THSD7B: variants seen among roughly 807,000 people sequenced by gnomAD.
THSD7B encodes thrombospondin type 1 domain containing 7B.
THSD7B carries 138 observed loss-of-function variants against 213.6 expected under a neutral mutation model. The ratio of observed to expected loss-of-function variants is 0.65; its 90% CI spans 0.56 to 0.74. THSD7B has a LOEUF of 0.74. THSD7B is among the 30% of genes least tolerant of loss of function. The pLI is 0.00. For synonymous variants in THSD7B, 742 were observed against 687.0 expected (o/e 1.08, Z -1.25); for missense variants, 1,931 against 1,991.5 (o/e 0.97, Z 0.58).
chr2:137,292,400 C>T (rs1364031932), intron 12 of THSD7B, among the ~76,000 whole-genome samples: 2 of 152,126 alleles, frequency 1.3e-5, no homozygotes, highest in Non-Finnish European at 2.9e-5. Flanking sequence ...TGCAAACTCA[C>T]AGTTCAATTC....
At position 137,056,495 on chromosome 2, in the gene THSD7B, A is replaced by C. The variant is rs1325748338; in HGVS notation, c.215A>C (p.Asp72Ala). The change falls in exon 3 of 28, where the codon GAC becomes GCC. Residue 72 changes from aspartate to alanine, a missense_variant. By Grantham distance (126) the Asp-to-Ala change is moderately radical. Coordinates refer to ENST00000409968, the MANE Select transcript of THSD7B (RefSeq NM_001316349.2). ...QSRAVWCFHV[D>A]GWTSHLSNCG... The stretch of plus-strand genomic sequence containing the variant: ...CGGGCAGTGTGGTGTTTTCATGTTG[A>C]CGGGTGGACAAGTCACCTGTCTAAC... 10 of 1,613,910 alleles carry C rather than the reference A, an allele frequency of 6.2e-6. No individual in the cohort carries two copies. Among genetic ancestry groups the C allele is most frequent in the Non-Finnish European group, 8.5e-6 (10 of 1,179,864 alleles).
At chr2:137,622,551 G>T (rs1159752587) in intron 20 of THSD7B, among the ~76,000 whole-genome samples, 1 of 151,954 alleles carries the variant, frequency 6.6e-6, no homozygotes, top group African/African-American at 2.4e-5. Flanking sequence ...CTTGTTTTTT[G>T]AAAAGATCAA....
At chr2:137,130,001 T>G (rs1448945926) in intron 5 of THSD7B, among the ~76,000 whole-genome samples, 1 of 152,176 alleles carries the variant, frequency 6.6e-6, no homozygotes, top group East Asian at 1.9e-4. Context: ...TAAGAATATG[T>G]CTGACAGTTT....
intron 2 of THSD7B, among the ~76,000 whole-genome samples, chr2:136,917,484 G>A (rs932219177): frequency 2.6e-5 from 4 of 152,162 alleles, no homozygotes; most frequent in Admixed American, 6.5e-5. Context: ...TCAGCTGGGG[G>A]TGGGGTGGAA....
At chr2:137,631,654 G>T (rs554389914) in intron 20 of THSD7B, among the ~76,000 whole-genome samples, 1 of 152,276 alleles carries the variant, frequency 6.6e-6, no homozygotes, top group Non-Finnish European at 1.5e-5. Flanking sequence ...TTTGATCAAT[G>T]CATGGTATTC....
chr2:137,522,731 G>A (rs771951433), intron 15 of THSD7B, among the ~76,000 whole-genome samples: 34 of 152,202 alleles, frequency 2.2e-4, no homozygotes, highest in Middle Eastern at 6.8e-3. Context: ...ACTTAAATGA[G>A]AACAAAGCAG....
intron 1 of THSD7B, among the ~76,000 whole-genome samples, chr2:136,804,981 T>C (rs755107790): frequency 6.6e-6 from 1 of 152,130 alleles, no homozygotes; most frequent in Non-Finnish European, 1.5e-5. Flanking sequence ...TCTGGGGTGA[T>C]GGCGAAACAA....
chr2:137,583,225 A>G (rs1681624431), intron 17 of THSD7B, among the ~76,000 whole-genome samples: 1 of 151,916 alleles, frequency 6.6e-6, no homozygotes. Context: ...TTCTTTGTAG[A>G]TTTTGAATAT....
intron 1 of THSD7B, among the ~76,000 whole-genome samples, chr2:136,781,018 A>C (rs1298193014): frequency 1.3e-5 from 2 of 151,406 alleles, no homozygotes; most frequent in African/African-American, 4.9e-5. Context: ...TGCTTCATGC[A>C]ATGTGTGAAA....
rs754554059 is a variant in THSD7B at position 137,350,365 on chromosome 2, A to T, written c.2501-55248A>T. Among the ~76,000 whole-genome samples the T allele has an allele frequency of 5.9e-5, 9 of 151,832 alleles. No homozygotes were observed. The South Asian group carries it at 1.0e-3, about 17-fold the overall frequency. On this transcript the variant is annotated intron_variant, in intron 12 of 27. Transcript: ENST00000409968. ...AGAAAGAGTATTTCCAGTAAAAGTAATGCTATGTGTAAATCCGTGTGTAAG... is the reference window on the plus strand; with the variant it reads ...AGAAAGAGTATTTCCAGTAAAAGTATTGCTATGTGTAAATCCGTGTGTAAG...
chr2:136,773,954 G>T (rs1459669104), intron 1 of THSD7B, among the ~76,000 whole-genome samples: 1 of 150,678 alleles, frequency 6.6e-6, no homozygotes, highest in East Asian at 1.9e-4. Context: ...AAACCCATCA[G>T]ATAGGAAGAT....
chr2:137,587,129 G>A lies in THSD7B; in HGVS notation c.3423+14573G>A, dbSNP rs971026000. Among the ~76,000 whole-genome samples, 11 of 152,022 alleles carry A rather than the reference G, an allele frequency of 7.2e-5. No individual in the cohort carries two copies. In the East Asian group the frequency reaches 7.7e-4, roughly 11 times the overall value. On this transcript the variant is annotated intron_variant, in intron 17 of 27. Coordinates refer to ENST00000409968, the MANE Select transcript of THSD7B (RefSeq NM_001316349.2). ...ACCCTTTCTTCCAGTTGATCGAATC[G>A]GCTACTGAAGCTTGTGCATTTGTCA...
intron 7 of THSD7B, among the ~76,000 whole-genome samples, chr2:137,216,357 T>C (rs1432478218): frequency 7.0e-6 from 1 of 143,600 alleles, no homozygotes; most frequent in Non-Finnish European, 1.5e-5. Flanking sequence ...AATATTGCAT[T>C]CTCTAACTCT....
intron 2 of THSD7B, among the ~76,000 whole-genome samples, chr2:136,971,479 A>G (rs937764158): frequency 2.8e-4 from 43 of 152,160 alleles, no homozygotes; most frequent in African/African-American, 1.0e-3. Context: ...AGAAATAACT[A>G]TAGGCAAAAA....
intron 12 of THSD7B, among the ~76,000 whole-genome samples, chr2:137,305,285 T>G (rs1378803426): frequency 6.6e-6 from 1 of 152,108 alleles, no homozygotes; most frequent in Non-Finnish European, 1.5e-5. Flanking sequence ...GATATGAGTT[T>G]ATTACAGAGA....
chr2:137,411,699 A>C lies in THSD7B; in HGVS notation c.2786A>C (p.Gln929Pro). The C allele has an allele frequency of 6.2e-7, 1 of 1,613,988 alleles. No individual in the cohort carries two copies. The highest frequency in any genetic ancestry group is 8.5e-7 in the Non-Finnish European group (1 of 1,179,900). The change falls in exon 14 of 28, where the codon CAA becomes CCA. Residue 929 changes from glutamine (Q) to proline (P), a missense_variant. Gln to Pro is a moderately conservative substitution (Grantham distance 76, BLOSUM62 -1). Coordinates refer to ENST00000409968, the MANE Select transcript of THSD7B (RefSeq NM_001316349.2). The stretch of plus-strand genomic sequence containing the variant: ...TGTCCTTGTGATGAATTTATATCCC[A>C]ACCTTATGGAAACTGGTCAGATTGC... ...ELCPCDEFIS[Q>P]PYGNWSDCIL...
chr2:136,992,060 C>T (rs1379769644), intron 2 of THSD7B, among the ~76,000 whole-genome samples: 1 of 152,190 alleles, frequency 6.6e-6, no homozygotes, highest in Admixed American at 6.5e-5. Context: ...ATTTTATCCT[C>T]ATTGTCTCTC....
intron 2 of THSD7B, among the ~76,000 whole-genome samples, chr2:136,891,674 T>A (rs1683862693): frequency 6.6e-6 from 1 of 152,170 alleles, no homozygotes; most frequent in African/African-American, 2.4e-5. Flanking sequence ...TCTCTGCCCA[T>A]CCAAGCTGGG....
At chr2:137,049,153 G>A (rs16855746) in intron 2 of THSD7B, among the ~76,000 whole-genome samples, 13,658 of 152,272 alleles carry the variant, frequency 0.09, 883 homozygotes, top group African/African-American at 0.18. Flanking sequence ...GCAGAGCCCC[G>A]AGAGTTTTGA....
Sources: allele counts gnomAD v4.1 joint callset (sites outside exome capture counted in the v4.1 genomes callset), GRCh38; gene constraint gnomAD v4.1.1; transcripts MANE v1.5; gene names NCBI Gene and HGNC (gene_info 2026-07-23, HGNC 2026-07-21).